The following EMILIN2 variants were observed in gnomAD, a reference collection of about 807,000 sequenced individuals.
EMILIN2 encodes the protein elastin microfibril interfacer 2.
In EMILIN2, 71 loss-of-function variants were observed where a neutral mutation model predicts 87.1. The ratio of observed to expected loss-of-function variants is 0.82; its 90% CI spans 0.67 to 0.99. EMILIN2 has a LOEUF of 0.99. Ranked by LOEUF, EMILIN2 falls within the 50% of genes least tolerant of loss-of-function variation. The probability of loss-of-function intolerance (pLI) is 0.00; values close to 1 mark genes in which losing one functional copy is unlikely to be tolerated. For missense variants in EMILIN2, 1,407 were observed against 1,371.8 expected (o/e 1.03, Z -0.40); for synonymous variants, 581 against 563.4 (o/e 1.03, Z -0.44).
intron 2 of EMILIN2, among the ~76,000 whole-genome samples, chr18:2,860,067 C>T (rs986170323): frequency 6.6e-6 from 1 of 151,898 alleles, no homozygotes; most frequent in Non-Finnish European, 1.5e-5. Context: ...TTTTTTGGTT[C>T]TATAAGAATT....
At chr18:2,872,020 G>C (rs1210727083) in intron 2 of EMILIN2, among the ~76,000 whole-genome samples, 1 of 152,188 alleles carries the variant, frequency 6.6e-6, no homozygotes, top group Non-Finnish European at 1.5e-5. Context: ...GCAGGGTTGG[G>C]TCTTGTCTGA....
chr18:2,864,146 C>T (rs2076674715), intron 2 of EMILIN2, among the ~76,000 whole-genome samples: 1 of 152,210 alleles, frequency 6.6e-6, no homozygotes, highest in Admixed American at 6.5e-5. Flanking sequence ...CTGAATACAG[C>T]ACACTGTTGG....
In EMILIN2 at chr18:2,914,238, G is replaced by A. The variant is rs919648368; in HGVS notation, c.*834G>A. ...CCCTCCGCATCCAAGCTATACACTT[G>A]GGTTTTGTTTCTGGCTTGTGAAGAC... On this transcript the variant is annotated 3_prime_UTR_variant, in exon 8 of 8. Transcript: ENST00000254528. 6.6e-6 allele frequency: 1 copy of A among 152,270 alleles called. No individual in the cohort carries two copies. The highest frequency in any genetic ancestry group is 1.5e-5 in the Non-Finnish European group (1 of 68,042). The allele number at this position is 152,270 out of a possible 1,614,324, so 9.4% of individuals were successfully genotyped here. A position where few individuals can be genotyped will look rare whatever the true frequency, so the allele number is the denominator to read the frequency against.
rs1300579977 is a variant in EMILIN2 at position 2,847,127 on chromosome 18, C to G, written c.-62C>G. The G allele has an allele frequency of 5.5e-5, 59 of 1,066,598 alleles. No homozygotes were observed. The highest frequency in any genetic ancestry group is 6.6e-5 in the Non-Finnish European group (58 of 882,580). The allele number at this position is 1,066,598 out of a possible 1,614,324, so 66.1% of individuals were successfully genotyped here. On this transcript the variant is annotated 5_prime_UTR_variant, in exon 1 of 8. Coordinates refer to ENST00000254528, the MANE Select transcript of EMILIN2 (RefSeq NM_032048.3). The surrounding 1 kb of genome is among the most constrained non-coding windows in gnomAD (Gnocchi z 4.5). ...GCCCTGGCCGCCGGCAGCCTTGTGG[C>G]CGGTGCCCCGATCCGCCGCGCTCCG... is the stretch of plus-strand genomic sequence containing the variant.
At position 2,913,406 on chromosome 18, in the gene EMILIN2, G is replaced by A. The variant is rs2076952080; in HGVS notation, c.*2G>A. On this transcript the variant is annotated 3_prime_UTR_variant, in exon 8 of 8. Coordinates refer to ENST00000254528, the MANE Select transcript of EMILIN2 (RefSeq NM_032048.3). ...TATCCTTTCCTTTCCCACCTCTAAG[G>A]TGGCTGGGGAGATGTCAGGGGAAAG... is the stretch of plus-strand genomic sequence containing the variant. The A allele has an allele frequency of 1.9e-6, 3 of 1,574,460 alleles. No individual in the cohort carries two copies. In the East Asian group the frequency reaches 6.7e-5, roughly 35 times the overall value.
Position 2,871,690 on chromosome 18 carries a change from C to T in EMILIN2, c.258-13274C>T, listed in dbSNP as rs1261141327. Among the ~76,000 whole-genome samples, 3 of 152,146 alleles carry T rather than the reference C, an allele frequency of 2.0e-5. No homozygotes were observed. The East Asian group carries it at 5.8e-4, about 29-fold the overall frequency. On this transcript the variant is annotated intron_variant, in intron 2 of 7. Coordinates refer to ENST00000254528, the MANE Select transcript of EMILIN2 (RefSeq NM_032048.3). ...CAAAAGAAGTTGAATTAGTTCATGGCCTGTCATTTGGAGGTTATGGCAGGA... is the reference window on the plus strand; with the variant it reads ...CAAAAGAAGTTGAATTAGTTCATGGTCTGTCATTTGGAGGTTATGGCAGGA...
Position 2,909,796 on chromosome 18 carries a change from G to A in EMILIN2, c.2801G>A (p.Gly934Glu). The A allele has an allele frequency of 6.2e-7, 1 of 1,613,574 alleles. No homozygotes were observed. Among genetic ancestry groups the A allele is most frequent in the Non-Finnish European group, 8.5e-7 (1 of 1,179,798 alleles). ...VLFNKVLVNDGDVYNPSTGVF... is the reference protein window; with the variant it reads ...VLFNKVLVNDEDVYNPSTGVF... ...TTTAACAAAGTGCTGGTGAACGACGGGGATGTTTACAACCCCAGCACCGGT... is the reference window on the plus strand; with the variant it reads ...TTTAACAAAGTGCTGGTGAACGACGAGGATGTTTACAACCCCAGCACCGGT... Residue 934 changes from glycine (G) to glutamate (E), a missense_variant, in exon 7 of 8, where the codon GGG becomes GAG. Physicochemically the swap from Gly to Glu is moderately conservative, Grantham distance 98 (BLOSUM62 -2). Coordinates refer to ENST00000254528, the MANE Select transcript of EMILIN2 (RefSeq NM_032048.3).
intron 4 of EMILIN2, among the ~76,000 whole-genome samples, chr18:2,893,645 A>G (rs1179733341): frequency 2.0e-5 from 3 of 152,246 alleles, no homozygotes; most frequent in South Asian, 2.1e-4. Context: ...AGCCTCCGAC[A>G]TAAGCTAGCC....
intron 2 of EMILIN2, among the ~76,000 whole-genome samples, chr18:2,870,927 C>A (rs1277624692): frequency 6.6e-6 from 1 of 152,200 alleles, no homozygotes; most frequent in Non-Finnish European, 1.5e-5. Flanking sequence ...TCTCTGTCTC[C>A]AAATTCCCCC....
At chr18:2,860,659 A>C (rs1026682736) in intron 2 of EMILIN2, among the ~76,000 whole-genome samples, 1 of 152,170 alleles carries the variant, frequency 6.6e-6, no homozygotes, top group Non-Finnish European at 1.5e-5. Flanking sequence ...TGGCTTGGCT[A>C]CAAGTCTTTG....
At position 2,858,559 on chromosome 18, in the gene EMILIN2, ATATATATATATGTGTGTGTGTGTG is replaced by A. The variant is rs1437198770; in HGVS notation, c.257+10640_257+10663del. 7.0e-4 allele frequency among the ~76,000 whole-genome samples: 47 copies of A among 67,170 alleles called. 5 individuals carry two copies. Among genetic ancestry groups the A allele is most frequent in the South Asian group, 5.3e-4 (1 of 1,896 alleles). 44.1% of individuals were successfully genotyped at this position (67,170 alleles called of 152,430 possible). Reference sequence around the variant, plus strand: ...TATATATATATATATATATATATATATATATATATATGTGTGTGTGTGTGTATATATATATATATATATGTGTAT... The same window carrying A: ...TATATATATATATATATATATATATATATATATATATATATATATGTGTAT... On this transcript the variant is annotated intron_variant, in intron 2 of 7. Transcript: ENST00000254528.
At chr18:2,900,703 C>T (rs571138974) in intron 4 of EMILIN2, among the ~76,000 whole-genome samples, 426 of 152,224 alleles carry the variant, frequency 2.8e-3, no homozygotes, top group Admixed American at 7.4e-3. Context: ...GCGACAGTTT[C>T]TCTGAATTTT....
chr18:2,860,213 T>G (rs1484825263), intron 2 of EMILIN2, among the ~76,000 whole-genome samples: 4 of 152,164 alleles, frequency 2.6e-5, no homozygotes, highest in Non-Finnish European at 5.9e-5. Flanking sequence ...TGGTGTGTGT[T>G]TCCATTTGTT....
At chr18:2,903,339 G>A (rs2076896643) in intron 4 of EMILIN2, among the ~76,000 whole-genome samples, 1 of 152,148 alleles carries the variant, frequency 6.6e-6, no homozygotes, top group Non-Finnish European at 1.5e-5. Context: ...GGCCGTCAGT[G>A]TCTTCTACAA....
Position 2,847,323 on chromosome 18 carries a change from G to T in EMILIN2, c.134+1G>T, listed in dbSNP as rs951011785. On this transcript the variant is annotated splice_donor_variant, in intron 1 of 7. Coordinates refer to ENST00000254528, the MANE Select transcript of EMILIN2 (RefSeq NM_032048.3). LOFTEE classifies it high-confidence loss of function. The surrounding 1 kb of genome is among the most constrained non-coding windows in gnomAD (Gnocchi z 4.5). ...CCGCGCGGCCCAGCGCCAGGAACAA[G>T]TAAGTGCGCGCCCCTTGGCTGGCCC... 19 of 1,318,296 alleles carry T rather than the reference G, an allele frequency of 1.4e-5. No homozygotes were observed. Among genetic ancestry groups the T allele is most frequent in the Non-Finnish European group, 1.8e-5 (19 of 1,037,176 alleles). The allele number at this position is 1,318,296 out of a possible 1,614,324, so 81.7% of individuals were successfully genotyped here. A position where few individuals can be genotyped will look rare whatever the true frequency, so the allele number is the denominator to read the frequency against.
intron 4 of EMILIN2, among the ~76,000 whole-genome samples, chr18:2,896,124 C>T (rs1411800698): frequency 6.6e-6 from 1 of 150,492 alleles, no homozygotes; most frequent in Non-Finnish European, 1.5e-5. Context: ...CTGTTAAGGG[C>T]ATATATATAT....
chr18:2,873,492 G>A (rs59792106), intron 2 of EMILIN2, among the ~76,000 whole-genome samples: 1 of 151,936 alleles, frequency 6.6e-6, no homozygotes, highest in Non-Finnish European at 1.5e-5. Context: ...TGGATCACGA[G>A]GTCAGGAGAT....
chr18:2,876,747 C>A (rs1568465373), intron 2 of EMILIN2, among the ~76,000 whole-genome samples: 1 of 152,042 alleles, frequency 6.6e-6, no homozygotes, highest in Non-Finnish European at 1.5e-5. Context: ...GCCTGGGAGA[C>A]AGAGTGAGAC....
rs2076771916 is a variant in EMILIN2, at chr18:2,880,559, C to T, written c.258-4405C>T. Among the ~76,000 whole-genome samples, 2 of 152,346 alleles carry T rather than the reference C, an allele frequency of 1.3e-5. No homozygotes were observed. The highest frequency in any genetic ancestry group is 1.3e-4 in the Admixed American group (2 of 15,310). On this transcript the variant is annotated intron_variant, in intron 2 of 7. Coordinates refer to ENST00000254528, the MANE Select transcript of EMILIN2 (RefSeq NM_032048.3). The surrounding 1 kb of genome is among the most constrained non-coding windows in gnomAD (Gnocchi z 4.1). ...GAGGGCTGGGGCACCATCACAGTCA[C>T]AGCCGAGGCTGGGAAGGGAGCCAGG...
Sources: gnomAD v4.1 joint callset for allele counts (sites outside exome capture counted in the v4.1 genomes callset) on GRCh38, gnomAD v4.1.1 for gene constraint, Gnocchi (gnomAD v3.1) non-coding constraint, MANE v1.5 for transcripts, NCBI Gene and HGNC (gene_info 2026-07-23, HGNC 2026-07-21) for gene names.